VTI1A: variants seen among roughly 807,000 people sequenced by gnomAD.
VTI1A encodes the protein vesicle transport through interaction with t-SNAREs homolog 1A.
In VTI1A, 22 loss-of-function variants were observed where a neutral mutation model predicts 34.9. That is an observed-to-expected ratio of 0.63 (90% confidence interval 0.45 to 0.90). The LOEUF is 0.90. Among genes scored for constraint, VTI1A ranks in the 40% least tolerant of loss-of-function variants. The pLI, the probability that VTI1A is intolerant of heterozygous loss-of-function variation, is 0.00. For synonymous variants in VTI1A, 87 were observed against 97.3 expected (o/e 0.89, Z 0.62); for missense variants, 268 against 275.6 (o/e 0.97, Z 0.20).
At chr10:112,575,305 G>A (rs866257087) in intron 5 of VTI1A, among the ~76,000 whole-genome samples, 14 of 152,182 alleles carry the variant, frequency 9.2e-5, no homozygotes, top group African/African-American at 3.1e-4. Flanking sequence ...TGTTCCTGTA[G>A]TTCGTTTTCA....
At chr10:112,475,674 CTTTG>C (rs1003962830) in intron 3 of VTI1A, among the ~76,000 whole-genome samples, 5 of 152,050 alleles carry the variant, frequency 3.3e-5, no homozygotes, top group Non-Finnish European at 7.4e-5. Context: ...TTATTATCAA[CTTTG>C]TTTGCTTGTT....
chr10:112,845,433 C>T, the VTI1A span, among the ~76,000 whole-genome samples: 6 of 152,170 alleles, frequency 3.9e-5, no homozygotes, highest in African/African-American at 1.2e-4. Context: ...CTCTGGTTCC[C>T]GAATTCCCCC....
At chr10:112,694,600 C>T (rs188936592) in intron 7 of VTI1A, among the ~76,000 whole-genome samples, 1 of 151,926 alleles carries the variant, frequency 6.6e-6, no homozygotes, top group South Asian at 2.1e-4. Flanking sequence ...TTACTTCTAA[C>T]CTCCTTTAAA....
At chr10:112,790,878 T>C (rs781125472) in intron 7 of VTI1A, among the ~76,000 whole-genome samples, 2 of 151,876 alleles carry the variant, frequency 1.3e-5, no homozygotes, top group Non-Finnish European at 2.9e-5. Context: ...GTCTGTAGAA[T>C]GTGTTTGTAG....
intron 7 of VTI1A, among the ~76,000 whole-genome samples, chr10:112,672,998 T>C (rs931067896): frequency 6.6e-6 from 1 of 152,022 alleles, no homozygotes; most frequent in Non-Finnish European, 1.5e-5. Context: ...CGCTGCATTG[T>C]ATATGCTGGC....
intron 1 of VTI1A, chr10:112,449,570 A>G (rs1847153656): frequency 6.6e-6 from 1 of 152,206 alleles, no homozygotes; most frequent in South Asian, 2.1e-4. Context: ...CCTGGCCAAC[A>G]TGGAGAAACC....
At chr10:112,776,604 G>A (rs560589144) in intron 7 of VTI1A, among the ~76,000 whole-genome samples, 1 of 151,664 alleles carries the variant, frequency 6.6e-6, no homozygotes, top group South Asian at 2.1e-4. Context: ...TGCATTTAAT[G>A]TAAACCATCT....
At chr10:112,716,196 C>G (rs7918958) in intron 7 of VTI1A, among the ~76,000 whole-genome samples, 54,925 of 151,934 alleles carry the variant, frequency 0.36, 10,998 homozygotes, top group African/African-American at 0.54. Context: ...GAGTTTCCAG[C>G]ACAGAGAGAG....
chr10:112,639,616 T>G (rs1398863416), intron 5 of VTI1A, among the ~76,000 whole-genome samples: 1 of 152,196 alleles, frequency 6.6e-6, no homozygotes, highest in Non-Finnish European at 1.5e-5. Flanking sequence ...TTTTAACATT[T>G]AAGAGCTCTA....
intron 5 of VTI1A, among the ~76,000 whole-genome samples, chr10:112,544,917 A>G (rs551125841): frequency 3.3e-5 from 5 of 152,276 alleles, no homozygotes; most frequent in Admixed American, 6.5e-5. Flanking sequence ...GGGCCATGGG[A>G]CATGGAAGGG....
intron 7 of VTI1A, among the ~76,000 whole-genome samples, chr10:112,709,811 C>T (rs1156357935): frequency 6.7e-6 from 1 of 149,286 alleles, no homozygotes; most frequent in Non-Finnish European, 1.5e-5. Context: ...GTGCCTCGGC[C>T]TCCCAGGTAG....
chr10:112,671,592 A>G (rs1847848376), intron 7 of VTI1A, among the ~76,000 whole-genome samples: 3 of 152,202 alleles, frequency 2.0e-5, no homozygotes, highest in African/African-American at 7.2e-5. Flanking sequence ...TGTAAAGTGA[A>G]CAGAAATGGC....
At chr10:112,566,093 A>T (rs1172063592) in intron 5 of VTI1A, among the ~76,000 whole-genome samples, 1 of 152,114 alleles carries the variant, frequency 6.6e-6, no homozygotes, top group Non-Finnish European at 1.5e-5. Flanking sequence ...GAAACTTTAC[A>T]TTAAAATCTA....
intron 5 of VTI1A, among the ~76,000 whole-genome samples, chr10:112,560,926 T>C (rs368378938): frequency 6.6e-6 from 1 of 152,072 alleles, no homozygotes; most frequent in East Asian, 1.9e-4. Flanking sequence ...AGTTTCTCAC[T>C]AACCTTTAGC....
At chr10:112,567,532 A>G (rs1172395259) in intron 5 of VTI1A, among the ~76,000 whole-genome samples, 1 of 152,232 alleles carries the variant, frequency 6.6e-6, no homozygotes. Context: ...TTATAACATT[A>G]GGCTAACATG....
intron 3 of VTI1A, among the ~76,000 whole-genome samples, chr10:112,479,519 T>A (rs1235493564): frequency 6.6e-6 from 1 of 152,068 alleles, no homozygotes; most frequent in Admixed American, 6.6e-5. Context: ...CCAGGAAAAA[T>A]CAACCACTTG....
intron 3 of VTI1A, among the ~76,000 whole-genome samples, chr10:112,481,264 A>T (rs1012613904): frequency 1.3e-5 from 2 of 152,154 alleles, no homozygotes; most frequent in African/African-American, 4.8e-5. Context: ...ATTTCCTTTC[A>T]GTGTAAAGTT....
intron 7 of VTI1A, among the ~76,000 whole-genome samples, chr10:112,699,996 G>C (rs1302665886): frequency 6.7e-6 from 1 of 150,358 alleles, no homozygotes; most frequent in Non-Finnish European, 1.5e-5. Context: ...GCGGGCACCT[G>C]TAATCCCAGC....
chr10:112,450,297 T>C (rs930290014), intron 1 of VTI1A: 1 of 152,226 alleles, frequency 6.6e-6, no homozygotes, highest in African/African-American at 2.4e-5. Context: ...ATGAAAAATA[T>C]ATCCATGTAG....
Sources: allele counts gnomAD v4.1 joint callset (sites outside exome capture counted in the v4.1 genomes callset), GRCh38; gene constraint gnomAD v4.1.1; transcripts MANE v1.5; gene names NCBI Gene and HGNC (gene_info 2026-07-23, HGNC 2026-07-21).